Variants in SNTG2 observed in about 807,000 individuals in gnomAD.
SNTG2 encodes gamma-2-syntrophin.
Under a neutral mutation model 70.9 loss-of-function variants are expected in SNTG2, and 74 were observed. That is an observed-to-expected ratio of 1.04 (90% CI 0.86 to 1.27). SNTG2 has a LOEUF of 1.27. SNTG2 is among the 50% of genes most tolerant of loss of function. The probability of loss-of-function intolerance (pLI) is 0.00; values close to 1 mark genes in which losing one functional copy is unlikely to be tolerated. For missense variants in SNTG2, 717 were observed against 690.7 expected (o/e 1.04, Z -0.43); for synonymous variants, 278 against 273.8 (o/e 1.02, Z -0.15).
chr2:1,297,456 C>T (rs544432205), intron 14 of SNTG2, among the ~76,000 whole-genome samples: 1 of 152,352 alleles, frequency 6.6e-6, no homozygotes, highest in South Asian at 2.1e-4. Flanking sequence ...TCACTAATAA[C>T]ATCTTGGAGT....
intron 8 of SNTG2, among the ~76,000 whole-genome samples, chr2:1,196,669 C>G (rs1224324512): frequency 5.9e-5 from 9 of 152,050 alleles, no homozygotes; most frequent in Non-Finnish European, 1.0e-4. Flanking sequence ...CTCCATCAAG[C>G]CATCAGTTGA....
At chr2:1,273,010 A>G (rs1033397541) in intron 14 of SNTG2, among the ~76,000 whole-genome samples, 8 of 152,212 alleles carry the variant, frequency 5.3e-5, no homozygotes, top group African/African-American at 1.9e-4. Context: ...ACGGATGCGC[A>G]CCATCACCAT....
intron 1 of SNTG2, among the ~76,000 whole-genome samples, chr2:953,592 A>G (rs183684482): frequency 1.9e-4 from 29 of 152,300 alleles, no homozygotes; most frequent in Admixed American, 3.9e-4. Flanking sequence ...TATGTTTCTC[A>G]TCCTTGCTGA....
At chr2:955,996 C>CATCTGT (rs1660128809) in intron 1 of SNTG2, among the ~76,000 whole-genome samples, 1 of 148,348 alleles carries the variant, frequency 6.7e-6, no homozygotes, top group African/African-American at 2.5e-5. Flanking sequence ...TCTGCATCTG[C>CATCTGT]CCTGGCCCCA....
chr2:1,348,208 C>T (rs780819558), intron 16 of SNTG2, among the ~76,000 whole-genome samples: 2 of 152,114 alleles, frequency 1.3e-5, no homozygotes, highest in Non-Finnish European at 2.9e-5. Flanking sequence ...CAAGTGTGCA[C>T]GGATAATTTG....
chr2:1,152,576 ATG>A lies in SNTG2; in HGVS notation c.412-12961_412-12960del, dbSNP rs200600443. ...TATGTTTCTAGGTGTGCACATGTGC[ATG>A]TGTGTGTGTGCACATGTGCATGTGT... is the stretch of plus-strand genomic sequence containing the variant. On this transcript the variant is annotated intron_variant, in intron 6 of 16. Transcript: ENST00000308624. Among the ~76,000 whole-genome samples the A allele has an allele frequency of 9.1e-3, 54 of 5,940 alleles. 2 individuals carry two copies. The East Asian group carries it at 0.19, about 21-fold the overall frequency. The allele number at this position is 5,940 out of a possible 152,430, so 3.9% of individuals were successfully genotyped here.
intron 1 of SNTG2, among the ~76,000 whole-genome samples, chr2:1,019,090 T>C (rs1271506651): frequency 1.3e-5 from 2 of 152,098 alleles, no homozygotes; most frequent in Non-Finnish European, 2.9e-5. Flanking sequence ...GGGGCAGCTG[T>C]GGAGGGTGTG....
intron 1 of SNTG2, among the ~76,000 whole-genome samples, chr2:1,031,528 A>ATATATATATATATATTTTTTTTTTTTTTT: frequency 1.7e-5 from 1 of 59,122 alleles, no homozygotes; most frequent in Non-Finnish European, 3.1e-5. Context: ...ATATATATAT[A>ATATATATATATATATTTTTTTTTTTTTTT]TTTTTTTTTT....
intron 4 of SNTG2, chr2:1,103,546 C>G (rs1390794722): frequency 6.0e-6 from 1 of 167,190 alleles, no homozygotes; most frequent in Non-Finnish European, 1.3e-5. Flanking sequence ...CCCGCCACCA[C>G]GCTCGGCTAA....
Position 1,267,480 on chromosome 2 carries a change from G to A in SNTG2, c.1193G>A (p.Ser398Asn), listed in dbSNP as rs747676125. The change falls in exon 14 of 17, where the codon AGC becomes AAC. Residue 398 changes from serine to asparagine, a missense_variant. Physicochemically the swap from Ser to Asn is conservative, Grantham distance 46. Transcript: ENST00000308624. ...CFSIVAGHGK[S>N]HVFNVELGSE... is the part of the protein sequence containing the mutation. Reference sequence around the variant, plus strand: ...AGCATCGTGGCCGGCCATGGGAAGAGCCATGTTTTCAACGTGGAGCTTGGC... The same window carrying A: ...AGCATCGTGGCCGGCCATGGGAAGAACCATGTTTTCAACGTGGAGCTTGGC... 2 of 1,613,916 alleles carry A rather than the reference G, an allele frequency of 1.2e-6. No individual in the cohort carries two copies. Among genetic ancestry groups the A allele is most frequent in the South Asian group, 1.1e-5 (1 of 91,052 alleles).
chr2:1,318,184 TAATAAG>T (rs560136945), intron 16 of SNTG2, among the ~76,000 whole-genome samples: 52 of 152,320 alleles, frequency 3.4e-4, no homozygotes, highest in African/African-American at 1.2e-3. Context: ...AATATAAACT[TAATAAG>T]ACTAAAGATT....
chr2:1,081,464 A>G (rs1444912722), intron 1 of SNTG2, among the ~76,000 whole-genome samples: 1 of 152,202 alleles, frequency 6.6e-6, no homozygotes, highest in Non-Finnish European at 1.5e-5. Context: ...AATACTGAGG[A>G]GGGTCTTCCT....
intron 14 of SNTG2, among the ~76,000 whole-genome samples, chr2:1,303,110 T>C (rs1049255519): frequency 6.6e-6 from 1 of 152,170 alleles, no homozygotes; most frequent in Admixed American, 6.5e-5. Flanking sequence ...AGCAAATATA[T>C]AGAAGACTTC....
intron 16 of SNTG2, among the ~76,000 whole-genome samples, chr2:1,354,809 T>C (rs1660755980): frequency 2.0e-5 from 3 of 152,228 alleles, no homozygotes; most frequent in Admixed American, 6.5e-5. Flanking sequence ...TGCGATCGGC[T>C]GGAGTGACGT....
At chr2:1,070,319 G>A (rs1282245502) in intron 1 of SNTG2, among the ~76,000 whole-genome samples, 1 of 151,992 alleles carries the variant, frequency 6.6e-6, no homozygotes, top group Non-Finnish European at 1.5e-5. Context: ...AAATGGATGT[G>A]GGCTCCCGTT....
intron 1 of SNTG2, among the ~76,000 whole-genome samples, chr2:1,039,896 C>T (rs1197944664): frequency 2.6e-5 from 4 of 152,026 alleles, no homozygotes; most frequent in African/African-American, 7.2e-5. Context: ...AGGAGGCTGG[C>T]GGCTGTCCTG....
At chr2:1,039,591 G>T (rs1281209559) in intron 1 of SNTG2, among the ~76,000 whole-genome samples, 2 of 152,124 alleles carry the variant, frequency 1.3e-5, no homozygotes, top group East Asian at 1.9e-4. Context: ...ATCTTGGGGG[G>T]ATGGCAGAAT....
At position 1,156,147 on chromosome 2, in the gene SNTG2, A is replaced by G. The variant is rs1572591550; in HGVS notation, c.412-9401A>G. Among the ~76,000 whole-genome samples the G allele has an allele frequency of 1.3e-5, 2 of 152,330 alleles. 1 individual carries two copies. On this transcript the variant is annotated intron_variant, in intron 6 of 16. Transcript: ENST00000308624. ...CCGCCCGTGGATGTTGCACTAAGGAAGGGTTTCATGGTAGAAGGGTTCCCT... is the reference window on the plus strand; with the variant it reads ...CCGCCCGTGGATGTTGCACTAAGGAGGGGTTTCATGGTAGAAGGGTTCCCT...
intron 16 of SNTG2, among the ~76,000 whole-genome samples, chr2:1,348,722 A>C (rs1660427592): frequency 6.6e-6 from 1 of 152,234 alleles, no homozygotes; most frequent in African/African-American, 2.4e-5. Context: ...GGACCTCCCG[A>C]GGGCGGTGTC....
Sources: allele counts gnomAD v4.1 joint callset (sites outside exome capture counted in the v4.1 genomes callset), GRCh38; gene constraint gnomAD v4.1.1; transcripts MANE v1.5; gene names NCBI Gene and HGNC (gene_info 2026-07-23, HGNC 2026-07-21).